The following ZBTB7C variants were observed in gnomAD, a reference collection of about 807,000 sequenced individuals.
ZBTB7C encodes the protein zinc finger and BTB domain-containing protein 7C.
A neutral mutation model predicts 25.7 loss-of-function variants in ZBTB7C; 8 were observed. The observed-to-expected ratio is 0.31, with a 90% confidence interval of 0.18 to 0.56. The LOEUF (loss-of-function observed/expected upper bound fraction) is 0.56, where lower values mean the gene tolerates loss of function less well. Ranked by LOEUF, ZBTB7C falls within the 20% of genes least tolerant of loss-of-function variation. ZBTB7C has a pLI of 0.91. For synonymous variants in ZBTB7C, 394 were observed against 369.0 expected (o/e 1.07, Z -0.78); for missense variants, 824 against 855.2 (o/e 0.96, Z 0.46).
At chr18:48,122,517 AT>A (rs1434024479) in intron 3 of ZBTB7C, among the ~76,000 whole-genome samples, 1 of 152,210 alleles carries the variant, frequency 6.6e-6, no homozygotes, top group Non-Finnish European at 1.5e-5. Flanking sequence ...GCACCATTAA[AT>A]TCATGGTGCC....
chr18:48,303,879 C>G (rs1004531836), intron 2 of ZBTB7C, among the ~76,000 whole-genome samples: 1 of 152,174 alleles, frequency 6.6e-6, no homozygotes, highest in Non-Finnish European at 1.5e-5. Context: ...TTACCAGTTC[C>G]CTTGTTAGGG....
At chr18:48,388,079 G>A (rs930118367) in intron 1 of ZBTB7C, among the ~76,000 whole-genome samples, 32 of 152,050 alleles carry the variant, frequency 2.1e-4, no homozygotes, top group African/African-American at 1.2e-4. Context: ...CGCCCTCCTC[G>A]GCCTCCCAAA....
chr18:48,397,134 T>A (rs752870638), intron 1 of ZBTB7C, among the ~76,000 whole-genome samples: 1 of 152,246 alleles, frequency 6.6e-6, no homozygotes, highest in South Asian at 2.1e-4. Context: ...TAAATTCTTA[T>A]TGTTTAAGGC....
At chr18:48,281,722 A>T (rs2144638307) in intron 2 of ZBTB7C, among the ~76,000 whole-genome samples, 1 of 152,136 alleles carries the variant, frequency 6.6e-6, no homozygotes, top group Non-Finnish European at 1.5e-5. Context: ...GCTCACCATC[A>T]CTGGCCATCA....
At chr18:48,132,303 G>C (rs1210695787) in intron 3 of ZBTB7C, among the ~76,000 whole-genome samples, 2 of 152,190 alleles carry the variant, frequency 1.3e-5, no homozygotes, top group African/African-American at 4.8e-5. Flanking sequence ...TAGGTTAGTT[G>C]AAAGACACTA....
chr18:48,284,791 C>CAA (rs61132755), intron 2 of ZBTB7C, among the ~76,000 whole-genome samples: 12 of 93,060 alleles, frequency 1.3e-4, no homozygotes, highest in African/African-American at 4.8e-4. Flanking sequence ...ACTCGGTCTC[C>CAA]AAAAAAAAAA....
At chr18:48,068,801 G>T (rs1568192335) in intron 3 of ZBTB7C, among the ~76,000 whole-genome samples, 1 of 152,216 alleles carries the variant, frequency 6.6e-6, no homozygotes, top group Non-Finnish European at 1.5e-5. Context: ...AAGTTTGACA[G>T]CTCTGAGCAT....
chr18:48,272,697 GCA>G (rs2144584447), intron 2 of ZBTB7C, among the ~76,000 whole-genome samples: 1 of 152,184 alleles, frequency 6.6e-6, no homozygotes, highest in Non-Finnish European at 1.5e-5. Flanking sequence ...ACAAAAACTT[GCA>G]CACTTATGTT....
chr18:48,212,737 G>A (rs2042731047), intron 2 of ZBTB7C, among the ~76,000 whole-genome samples: 1 of 152,120 alleles, frequency 6.6e-6, no homozygotes, highest in African/African-American at 2.4e-5. Flanking sequence ...CTGAGTGGCT[G>A]GTATGGCAGG....
At chr18:48,361,762 C>T (rs562770887) in intron 1 of ZBTB7C, among the ~76,000 whole-genome samples, 1 of 152,332 alleles carries the variant, frequency 6.6e-6, no homozygotes, top group African/African-American at 2.4e-5. Flanking sequence ...CAGAGGCATC[C>T]AGGGCATTCG....
intron 3 of ZBTB7C, among the ~76,000 whole-genome samples, chr18:48,084,859 C>T (rs188761653): frequency 1.3e-5 from 2 of 152,308 alleles, no homozygotes; most frequent in African/African-American, 4.8e-5. Flanking sequence ...GAGAGGGACT[C>T]TGTCACCCGA....
intron 2 of ZBTB7C, among the ~76,000 whole-genome samples, chr18:48,217,724 GC>G (rs1464016580): frequency 2.6e-5 from 4 of 152,130 alleles, no homozygotes; most frequent in Non-Finnish European, 4.4e-5. Flanking sequence ...AACTCACAGG[GC>G]CCTATCACTA....
intron 2 of ZBTB7C, among the ~76,000 whole-genome samples, chr18:48,314,294 A>T (rs2045893260): frequency 6.6e-6 from 1 of 152,196 alleles, no homozygotes; most frequent in South Asian, 2.1e-4. Flanking sequence ...CAGTTCGTCT[A>T]CAATGATCTT....
chr18:48,162,214 C>T (rs1310846998), intron 3 of ZBTB7C: 1 of 374,276 alleles, frequency 2.7e-6, no homozygotes, highest in Non-Finnish European at 5.5e-6. Flanking sequence ...CACCCCTGGC[C>T]CCAGCCTCCT....
chr18:48,062,914 A>G (rs1213136216), intron 3 of ZBTB7C, among the ~76,000 whole-genome samples: 1 of 152,246 alleles, frequency 6.6e-6, no homozygotes, highest in Non-Finnish European at 1.5e-5. Context: ...AGGGAGCCAC[A>G]GTGACTGCGC....
intron 1 of ZBTB7C, among the ~76,000 whole-genome samples, chr18:48,398,546 G>A (rs1050392072): frequency 6.6e-6 from 1 of 152,214 alleles, no homozygotes; most frequent in Non-Finnish European, 1.5e-5. Context: ...GGCCCAATAC[G>A]ACCTCTGTGG....
chr18:48,154,533 G>A (rs561652959), intron 3 of ZBTB7C, among the ~76,000 whole-genome samples: 7 of 152,316 alleles, frequency 4.6e-5, no homozygotes, highest in Admixed American at 4.6e-4. Context: ...TTCTTTAAGG[G>A]TTCCCTCTCC....
At chr18:48,221,281 T>C (rs1482221542) in intron 2 of ZBTB7C, among the ~76,000 whole-genome samples, 4 of 150,844 alleles carry the variant, frequency 2.7e-5, no homozygotes, top group South Asian at 2.1e-4. Flanking sequence ...TATACTGTCC[T>C]TGTCTCCTCT....
At chr18:48,390,165 T>G (rs1390313605) in intron 1 of ZBTB7C, among the ~76,000 whole-genome samples, 1 of 152,182 alleles carries the variant, frequency 6.6e-6, no homozygotes, top group Admixed American at 6.5e-5. Flanking sequence ...TAGTAATATA[T>G]CTTCACACTA....
Sources: gnomAD v4.1 joint callset for allele counts (sites outside exome capture counted in the v4.1 genomes callset) on GRCh38, gnomAD v4.1.1 for gene constraint, MANE v1.5 for transcripts, NCBI Gene and HGNC (gene_info 2026-07-23, HGNC 2026-07-21) for gene names.